The following NBEA variants were observed in gnomAD, a reference collection of about 807,000 sequenced individuals.
NBEA encodes the protein neurobeachin.
Under a neutral mutation model 343.4 loss-of-function variants are expected in NBEA, and 44 were observed. The ratio of observed to expected loss-of-function variants is 0.13; its 90% CI spans 0.10 to 0.16. The LOEUF is 0.16. NBEA is among the 10% of genes least tolerant of loss of function. The probability of loss-of-function intolerance (pLI) is 1.00; values close to 1 mark genes in which losing one functional copy is unlikely to be tolerated. For missense variants in NBEA, 2,555 were observed against 3,631.3 expected (o/e 0.70, Z 7.62); for synonymous variants, 1,175 against 1,238.7 (o/e 0.95, Z 1.08).
chr13:35,345,999 G>A (rs962826738), intron 36 of NBEA, among the ~76,000 whole-genome samples: 3 of 152,008 alleles, frequency 2.0e-5, no homozygotes, highest in Admixed American at 6.6e-5. Context: ...CCTTCTCTTC[G>A]TGTAAATAAA....
intron 41 of NBEA, among the ~76,000 whole-genome samples, chr13:35,513,097 G>T (rs1247252010): frequency 6.7e-6 from 1 of 148,572 alleles, no homozygotes; most frequent in African/African-American, 2.5e-5. Flanking sequence ...GAACTCGTTT[G>T]TTTTTATCTT....
chr13:35,531,854 A>C (rs1181396615), intron 41 of NBEA, among the ~76,000 whole-genome samples: 1 of 152,246 alleles, frequency 6.6e-6, no homozygotes, highest in Non-Finnish European at 1.5e-5. Context: ...CATCAGACTT[A>C]ACCTGCCCCT....
chr13:34,974,406 T>C (rs1566109439), intron 1 of NBEA, among the ~76,000 whole-genome samples: 1 of 152,218 alleles, frequency 6.6e-6, no homozygotes, highest in East Asian at 1.9e-4. Context: ...CAAGCTGATA[T>C]CAATTTATCA....
At chr13:35,572,732 TTGTTG>T (rs2080499058) in intron 45 of NBEA, among the ~76,000 whole-genome samples, 6 of 151,970 alleles carry the variant, frequency 3.9e-5, no homozygotes, top group Non-Finnish European at 8.8e-5. Flanking sequence ...GTTGTTGTTG[TTGTTG>T]TTGTTGTTGT....
chr13:35,366,318 CT>C (rs1263734277), intron 38 of NBEA, among the ~76,000 whole-genome samples: 1 of 151,260 alleles, frequency 6.6e-6, no homozygotes, highest in African/African-American at 2.4e-5. Context: ...ATACCAACCC[CT>C]TTTTCTAACA....
chr13:35,323,522 A>C (rs964271227), intron 36 of NBEA, among the ~76,000 whole-genome samples: 26 of 141,974 alleles, frequency 1.8e-4, no homozygotes, highest in Admixed American at 9.2e-4. Flanking sequence ...CAATGAGAAC[A>C]CATGGACACA....
intron 30 of NBEA, 26 bp downstream of exon 30, chr13:35,184,097 T>C (rs749850887): frequency 6.7e-7 from 1 of 1,484,864 alleles, no homozygotes; most frequent in East Asian, 2.3e-5. Flanking sequence ...TCTCCTGACC[T>C]GTTTGGGTAT....
intron 51 of NBEA, among the ~76,000 whole-genome samples, chr13:35,649,001 T>G (rs9544889): frequency 0.13 from 19,596 of 151,558 alleles, 1,374 homozygotes; most frequent in South Asian, 0.19. Flanking sequence ...GTCCTGCACA[T>G]GTATCCTGGA....
intron 31 of NBEA, among the ~76,000 whole-genome samples, chr13:35,201,819 C>T (rs1276009968): frequency 6.6e-6 from 1 of 152,066 alleles, no homozygotes; most frequent in African/African-American, 2.4e-5. Context: ...AAAGGTGCAT[C>T]TCCATTCTCA....
chr13:35,085,127 G>A (rs1282111320), intron 10 of NBEA, among the ~76,000 whole-genome samples: 1 of 152,074 alleles, frequency 6.6e-6, no homozygotes, highest in African/African-American at 2.4e-5. Context: ...GGACCAGATG[G>A]ATTCACAGCC....
chr13:35,102,073 G>A (rs1405947904), intron 11 of NBEA, among the ~76,000 whole-genome samples: 1 of 151,248 alleles, frequency 6.6e-6, no homozygotes, highest in Non-Finnish European at 1.5e-5. Flanking sequence ...ATGGTATGAG[G>A]TATAAGGGTC....
chr13:35,125,769 T>A (rs1256197307), intron 17 of NBEA, among the ~76,000 whole-genome samples: 1 of 152,166 alleles, frequency 6.6e-6, no homozygotes, highest in Non-Finnish European at 1.5e-5. Context: ...AAAATATTGC[T>A]ATGGAATACA....
At chr13:35,424,775 G>A (rs565228309) in intron 38 of NBEA, among the ~76,000 whole-genome samples, 1 of 152,242 alleles carries the variant, frequency 6.6e-6, no homozygotes, top group South Asian at 2.1e-4. Flanking sequence ...AATCCATCTG[G>A]TCCTGGACTT....
chr13:35,645,595 C>A (rs1026624342), intron 49 of NBEA, among the ~76,000 whole-genome samples: 4 of 151,980 alleles, frequency 2.6e-5, no homozygotes, highest in Admixed American at 2.0e-4. Flanking sequence ...AGATTTATTT[C>A]TTTTTTGGGT....
intron 34 of NBEA, among the ~76,000 whole-genome samples, chr13:35,288,160 A>G (rs1184997089): frequency 6.6e-6 from 1 of 152,002 alleles, no homozygotes; most frequent in Non-Finnish European, 1.5e-5. Flanking sequence ...CTTGTAAAAT[A>G]TTTGTCTCAT....
intron 21 of NBEA, among the ~76,000 whole-genome samples, chr13:35,158,370 A>G (rs1382656333): frequency 6.6e-6 from 1 of 152,116 alleles, no homozygotes; most frequent in African/African-American, 2.4e-5. Flanking sequence ...TTTGTGAAGT[A>G]TTGACACCTC....
intron 46 of NBEA, 123 bp from the exon 47 acceptor site, chr13:35,593,205 T>A: frequency 9.4e-7 from 1 of 1,065,568 alleles, no homozygotes; most frequent in Non-Finnish European, 1.3e-6. Flanking sequence ...TTTGGGGGCA[T>A]CTTTCTAGGA....
intron 41 of NBEA, among the ~76,000 whole-genome samples, chr13:35,526,637 G>GC (rs1445241712): frequency 6.6e-6 from 1 of 152,142 alleles, no homozygotes; most frequent in Non-Finnish European, 1.5e-5. Flanking sequence ...TTTTGCTTGG[G>GC]CCCACTGGGC....
intron 45 of NBEA, among the ~76,000 whole-genome samples, chr13:35,569,667 G>A (rs1419681606): frequency 2.0e-5 from 3 of 152,098 alleles, no homozygotes; most frequent in Non-Finnish European, 4.4e-5. Flanking sequence ...CATACTCCCA[G>A]CCACTTGAAG....
Sources: gnomAD v4.1 joint callset for allele counts (sites outside exome capture counted in the v4.1 genomes callset) on GRCh38, gnomAD v4.1.1 for gene constraint, MANE v1.5 for transcripts, NCBI Gene and HGNC (gene_info 2026-07-23, HGNC 2026-07-21) for gene names.